NRXN3: variants seen among roughly 807,000 people sequenced by gnomAD.
NRXN3 encodes the protein neurexin 3, also known as neurexin III.
Under a neutral mutation model 137.6 loss-of-function variants are expected in NRXN3, and 32 were observed. The observed-to-expected ratio is 0.23, with a 90% CI of 0.18 to 0.31. NRXN3 has a LOEUF of 0.31. Among genes scored for constraint, NRXN3 ranks in the 10% least tolerant of loss-of-function variants. The pLI is 1.00. For missense variants in NRXN3, 1,574 were observed against 2,062.5 expected, an observed-to-expected ratio of 0.76 and a Z score of 4.59; for synonymous variants, 798 against 784.5, an observed-to-expected ratio of 1.02 and a Z score of -0.29.
chr14:79,353,961 G>T (rs959279725), intron 15 of NRXN3, among the ~76,000 whole-genome samples: 2 of 152,084 alleles, frequency 1.3e-5, no homozygotes, highest in African/African-American at 4.8e-5. Context: ...TGTTTTCAAA[G>T]ACTTTTCAGT....
At chr14:78,457,745 A>G (rs900441050) in intron 4 of NRXN3, among the ~76,000 whole-genome samples, 4 of 152,194 alleles carry the variant, frequency 2.6e-5, no homozygotes, top group African/African-American at 9.7e-5. Context: ...ATATCTGTAT[A>G]TGTGCATACA....
chr14:79,041,134 C>T (rs8006983), intron 15 of NRXN3, among the ~76,000 whole-genome samples: 78,597 of 152,008 alleles, frequency 0.52, 22,870 homozygotes, highest in East Asian at 0.78. Context: ...TAGCTGTTGA[C>T]TTTGGGCTAT....
intron 4 of NRXN3, among the ~76,000 whole-genome samples, chr14:78,321,475 T>C (rs2079360223): frequency 6.6e-6 from 1 of 152,130 alleles, no homozygotes; most frequent in African/African-American, 2.4e-5. Flanking sequence ...TGTATGTGTA[T>C]ACCCTCTCTT....
At chr14:79,028,904 G>T (rs968880194) in intron 15 of NRXN3, among the ~76,000 whole-genome samples, 13 of 152,100 alleles carry the variant, frequency 8.5e-5, no homozygotes, top group African/African-American at 1.4e-4. Context: ...TGTAACTCTT[G>T]TTCCAGACCA....
intron 6 of NRXN3, among the ~76,000 whole-genome samples, chr14:78,685,250 A>T (rs1029284419): frequency 5.9e-5 from 9 of 151,900 alleles, no homozygotes; most frequent in Non-Finnish European, 1.3e-4. Flanking sequence ...TTGCCCCTGG[A>T]TCTCCCTCTC....
At chr14:78,171,025 A>G (rs775840178) in intron 1 of NRXN3, among the ~76,000 whole-genome samples, 2 of 139,308 alleles carry the variant, frequency 1.4e-5, no homozygotes, top group African/African-American at 2.7e-5. Flanking sequence ...TGTGCTCATC[A>G]CTTCATTTTG....
chr14:79,453,580 G>T (rs191825446), intron 15 of NRXN3, among the ~76,000 whole-genome samples: 2 of 152,276 alleles, frequency 1.3e-5, no homozygotes, highest in Non-Finnish European at 2.9e-5. Flanking sequence ...CAAAATCTGA[G>T]TGCATTCTAT....
intron 10 of NRXN3, among the ~76,000 whole-genome samples, chr14:78,860,912 A>G (rs1313858178): frequency 6.6e-6 from 1 of 152,098 alleles, no homozygotes; most frequent in African/African-American, 2.4e-5. Flanking sequence ...GCTTTATTGA[A>G]AAAAATACAC....
chr14:78,363,301 G>A (rs1166205227), intron 4 of NRXN3, among the ~76,000 whole-genome samples: 1 of 152,204 alleles, frequency 6.6e-6, no homozygotes, highest in African/African-American at 2.4e-5. Flanking sequence ...TAGCTCTTAA[G>A]TACTTGGCAA....
At chr14:79,793,895 G>C (rs1180087749) in intron 19 of NRXN3, among the ~76,000 whole-genome samples, 1 of 152,166 alleles carries the variant, frequency 6.6e-6, no homozygotes, top group East Asian at 1.9e-4. Flanking sequence ...ATATATGCAT[G>C]TGTCTTTTGT....
intron 8 of NRXN3, among the ~76,000 whole-genome samples, chr14:78,724,611 ATGCATCTG>A (rs2098474812): frequency 1.3e-5 from 2 of 152,188 alleles, no homozygotes; most frequent in Admixed American, 6.5e-5. Flanking sequence ...AGAAATATAC[ATGCATCTG>A]TGCATCTGTG....
chr14:79,321,072 C>A (rs1238800796), intron 15 of NRXN3, among the ~76,000 whole-genome samples: 2 of 152,028 alleles, frequency 1.3e-5, no homozygotes, highest in Non-Finnish European at 2.9e-5. Context: ...GTGCAATTTT[C>A]CATATGCTCA....
In NRXN3 at chr14:79,622,931, GTATC is replaced by G. The variant is rs1160988327; in HGVS notation, c.3445-40843_3445-40840del. On this transcript the variant is annotated intron_variant, in intron 16 of 20. Transcript: ENST00000335750. ...TTTATTATTATTTCATTATTATTGA[GTATC>G]TATTATTTGATCTTTTATGTAATAA... Among the ~76,000 whole-genome samples the G allele has an allele frequency of 3.3e-5, 5 of 152,220 alleles. No individual in the cohort carries two copies. In the East Asian group the frequency reaches 7.7e-4, roughly 23 times the overall value.
chr14:79,369,684 T>C (rs1425347189), intron 15 of NRXN3, among the ~76,000 whole-genome samples: 2 of 152,168 alleles, frequency 1.3e-5, no homozygotes, highest in Non-Finnish European at 2.9e-5. Flanking sequence ...AATTTTCTCT[T>C]TTTCAATTAT....
At chr14:78,307,279 G>T (rs969716497) in intron 4 of NRXN3, among the ~76,000 whole-genome samples, 38 of 151,510 alleles carry the variant, frequency 2.5e-4, no homozygotes, top group South Asian at 1.3e-3. Flanking sequence ...TCACTATAAG[G>T]TTCCATTGTG....
intron 15 of NRXN3, among the ~76,000 whole-genome samples, chr14:79,089,506 A>G (rs1210178529): frequency 1.3e-5 from 2 of 152,156 alleles, no homozygotes; most frequent in Non-Finnish European, 2.9e-5. Flanking sequence ...TTCCTTGTTC[A>G]ACAGTTATTT....
At position 78,777,429 on chromosome 14, in the gene NRXN3, A is replaced by C. The variant is rs191126578; in HGVS notation, c.2045-26191A>C. On this transcript the variant is annotated intron_variant, in intron 8 of 20. Transcript: ENST00000335750. ...GTCTATATTCCCATGTGGTGGGTCC[A>C]TCTTGATTCCTCTGTTTTATCTATC... is the stretch of plus-strand genomic sequence containing the variant. Among the ~76,000 whole-genome samples the C allele has an allele frequency of 1.6e-3, 238 of 152,276 alleles. 1 individual carries two copies. The highest frequency in any genetic ancestry group is 6.8e-3 in the Middle Eastern group (2 of 294).
In NRXN3 at chr14:79,041,271, T is replaced by G. The variant is rs147515564; in HGVS notation, c.3262+53130T>G. The stretch of plus-strand genomic sequence containing the variant: ...ATAATCCATAGTTCAGAAATTTTTG[T>G]GAAATAATGTATGTCAAAGAGCATG... On this transcript the variant is annotated intron_variant, in intron 15 of 20. Transcript: ENST00000335750. Among the ~76,000 whole-genome samples, 159 of 152,300 alleles carry G rather than the reference T, an allele frequency of 1.0e-3. 2 individuals carry two copies. The East Asian group carries it at 0.03, about 28-fold the overall frequency.
intron 15 of NRXN3, among the ~76,000 whole-genome samples, chr14:79,258,247 G>A (rs753333230): frequency 3.9e-5 from 6 of 152,138 alleles, no homozygotes; most frequent in Middle Eastern, 3.4e-3. Context: ...ACCCAGGCTG[G>A]GATGCAATGG....
Sources: gnomAD v4.1 joint callset for allele counts (sites outside exome capture counted in the v4.1 genomes callset) on GRCh38, gnomAD v4.1.1 for gene constraint, MANE v1.5 for transcripts, NCBI Gene and HGNC (gene_info 2026-07-23, HGNC 2026-07-21) for gene names.